The following CNTNAP4 variants were observed in gnomAD, a reference collection of about 807,000 sequenced individuals.
CNTNAP4 encodes the protein contactin-associated protein-like 4.
Under a neutral mutation model 148.4 loss-of-function variants are expected in CNTNAP4, and 98 were observed. The observed-to-expected ratio is 0.66, with a 90% confidence interval of 0.56 to 0.78. The LOEUF is 0.78. Ranked by LOEUF, CNTNAP4 falls within the 30% of genes least tolerant of loss-of-function variation. CNTNAP4 has a pLI of 0.00. For synonymous variants in CNTNAP4, 730 were observed against 565.1 expected, an observed-to-expected ratio of 1.29 and a Z score of -4.14; for missense variants, 1,935 against 1,565.6, an observed-to-expected ratio of 1.24 and a Z score of -3.98.
intron 1 of CNTNAP4, among the ~76,000 whole-genome samples, chr16:76,315,519 CTAG>C (rs1421054916): frequency 1.2e-4 from 18 of 152,186 alleles, no homozygotes; most frequent in Non-Finnish European, 1.9e-4. Flanking sequence ...TGTCCATAAA[CTAG>C]TATCCTTTTG....
intron 3 of CNTNAP4, among the ~76,000 whole-genome samples, chr16:76,419,662 G>A (rs1711552283): frequency 6.6e-6 from 1 of 151,988 alleles, no homozygotes; most frequent in Non-Finnish European, 1.5e-5. Flanking sequence ...TTTCAGCATG[G>A]TGGTGTGTCA....
intron 2 of CNTNAP4, among the ~76,000 whole-genome samples, chr16:76,328,868 C>G (rs1214215109): frequency 1.3e-5 from 2 of 152,146 alleles, no homozygotes; most frequent in African/African-American, 4.8e-5. Flanking sequence ...TGGTCTCAAA[C>G]TCCTGACCTC....
chr16:76,495,986 A>T (rs2082386934), intron 14 of CNTNAP4, among the ~76,000 whole-genome samples: 2 of 151,970 alleles, frequency 1.3e-5, no homozygotes, highest in Non-Finnish European at 2.9e-5. Context: ...TGGGAAACTA[A>T]TATTTCATTT....
chr16:76,449,083 G>C (rs2080358772), intron 6 of CNTNAP4, 132 bp downstream of exon 6: 2 of 821,692 alleles, frequency 2.4e-6, no homozygotes. Flanking sequence ...TCCCAAGGCA[G>C]TCTAACTCAC....
chr16:76,349,385 T>C (rs193169999), intron 2 of CNTNAP4, among the ~76,000 whole-genome samples: 19 of 152,220 alleles, frequency 1.2e-4, no homozygotes, highest in African/African-American at 3.6e-4. Context: ...GAAGTGAACA[T>C]GAGAACAGAC....
chr16:76,443,733 A>G (rs1006573764), intron 4 of CNTNAP4, among the ~76,000 whole-genome samples: 6 of 152,214 alleles, frequency 3.9e-5, no homozygotes, highest in East Asian at 3.8e-4. Flanking sequence ...TAGCAATTCT[A>G]TTTACTCATA....
chr16:76,547,635 A>G (rs915168705), intron 21 of CNTNAP4, among the ~76,000 whole-genome samples: 1 of 152,094 alleles, frequency 6.6e-6, no homozygotes. Flanking sequence ...AGTTCTGTTC[A>G]TTTTTATGTT....
At chr16:76,485,163 G>T (rs2081983858) in intron 12 of CNTNAP4, among the ~76,000 whole-genome samples, 1 of 152,026 alleles carries the variant, frequency 6.6e-6, no homozygotes, top group Non-Finnish European at 1.5e-5. Context: ...TGTTGCCCAG[G>T]CTGGAGTGCA....
At chr16:76,474,826 C>T (rs965980170) in intron 10 of CNTNAP4, among the ~76,000 whole-genome samples, 4 of 152,050 alleles carry the variant, frequency 2.6e-5, no homozygotes, top group African/African-American at 9.7e-5. Flanking sequence ...TATCCCTAAC[C>T]TTAAAAAGTG....
intron 21 of CNTNAP4, among the ~76,000 whole-genome samples, chr16:76,549,802 G>A (rs2084889264): frequency 6.6e-6 from 1 of 152,056 alleles, no homozygotes; most frequent in Non-Finnish European, 1.5e-5. Flanking sequence ...AATCAGGATG[G>A]AAATAAAATG....
chr16:76,488,893 C>T (rs1490399606), intron 12 of CNTNAP4, among the ~76,000 whole-genome samples: 2 of 152,130 alleles, frequency 1.3e-5, no homozygotes, highest in Admixed American at 6.6e-5. Flanking sequence ...GAAATGTTTA[C>T]AGACATTCAG....
At chr16:76,420,268 C>CTGTAGAA (rs2079138505) in intron 3 of CNTNAP4, among the ~76,000 whole-genome samples, 1 of 151,474 alleles carries the variant, frequency 6.6e-6, no homozygotes, top group Non-Finnish European at 1.5e-5. Flanking sequence ...AATGTATATT[C>CTGTAGAA]TATAGGAGAT....
chr16:76,441,040 C>T (rs2145144487), intron 4 of CNTNAP4, among the ~76,000 whole-genome samples: 1 of 152,146 alleles, frequency 6.6e-6, no homozygotes, highest in African/African-American at 2.4e-5. Context: ...AGCGTTTTTA[C>T]AATTTAGTTG....
rs987026219 is a variant in CNTNAP4, at chr16:76,450,005, A to G, written c.1071+147A>G. 9 of 629,796 alleles carry G rather than the reference A, an allele frequency of 1.4e-5. No individual in the cohort carries two copies. The African/African-American group carries it at 1.7e-4, about 12-fold the overall frequency. 39.0% of individuals were successfully genotyped at this position (629,796 alleles called of 1,614,324 possible). On this transcript the variant is annotated intron_variant, in intron 7 of 23. Transcript: ENST00000611870. ...TTCTTTGATTGGCAATATGCATATAAAAGATTGGTTCTATCTGAAGGAATT... is the reference window on the plus strand; with the variant it reads ...TTCTTTGATTGGCAATATGCATATAGAAGATTGGTTCTATCTGAAGGAATT...
chr16:76,450,748 T>C (rs2080432360), intron 7 of CNTNAP4, among the ~76,000 whole-genome samples: 1 of 152,164 alleles, frequency 6.6e-6, no homozygotes, highest in African/African-American at 2.4e-5. Context: ...TACATTCTAA[T>C]TCTGTGGAAA....
intron 9 of CNTNAP4, among the ~76,000 whole-genome samples, chr16:76,464,610 C>T (rs563569473): frequency 6.6e-6 from 1 of 152,262 alleles, no homozygotes; most frequent in South Asian, 2.1e-4. Flanking sequence ...CTCATCAGTT[C>T]TCCTTCTCTC....
At chr16:76,316,576 C>A in intron 2 of CNTNAP4, 53 bp downstream of exon 2, 1 of 1,180,560 alleles carries the variant, frequency 8.5e-7, no homozygotes, top group Non-Finnish European at 1.3e-6. Context: ...ACTAGTTTTT[C>A]ATTATCTTTG....
intron 3 of CNTNAP4, among the ~76,000 whole-genome samples, chr16:76,385,082 C>A (rs761566423): frequency 1.3e-5 from 2 of 152,128 alleles, no homozygotes; most frequent in Non-Finnish European, 2.9e-5. Context: ...AAGTATGAAA[C>A]AGTTTACATG....
At position 76,535,530 on chromosome 16, in the gene CNTNAP4, G is replaced by A. The variant is rs764446634; in HGVS notation, c.2756-15G>A. ...ACCTAGGAACATGTTTCCATTTGCA[G>A]TATTTCCCTTTTAGGTGGAACGGCC... On this transcript the variant is annotated splice_polypyrimidine_tract_variant and intron_variant, in intron 17 of 23. Transcript: ENST00000611870. The A allele has an allele frequency of 8.1e-6, 13 of 1,611,028 alleles. No individual in the cohort carries two copies. In the South Asian group the frequency reaches 1.3e-4, roughly 16 times the overall value.
Sources: allele counts gnomAD v4.1 joint callset (sites outside exome capture counted in the v4.1 genomes callset), GRCh38; gene constraint gnomAD v4.1.1; transcripts MANE v1.5; gene names NCBI Gene and HGNC (gene_info 2026-07-23, HGNC 2026-07-21).